The following SLC16A9 variants were observed in gnomAD, a reference collection of about 807,000 sequenced individuals.
SLC16A9 encodes the protein monocarboxylate transporter 9.
SLC16A9 carries 26 observed loss-of-function variants against 44.3 expected under a neutral mutation model. The observed-to-expected ratio is 0.59, with a 90% CI of 0.43 to 0.81. The LOEUF (loss-of-function observed/expected upper bound fraction) is 0.81. SLC16A9 is among the 40% of genes least tolerant of loss of function. The probability of loss-of-function intolerance (pLI) is 0.00; values close to 1 mark genes in which losing one functional copy is unlikely to be tolerated. For missense variants in SLC16A9, 559 were observed against 595.8 expected (o/e 0.94, Z 0.64); for synonymous variants, 230 against 225.1 (o/e 1.02, Z -0.19).
At chr10:59,679,784 G>T (rs984516169) in intron 2 of SLC16A9, among the ~76,000 whole-genome samples, 1 of 152,098 alleles carries the variant, frequency 6.6e-6, no homozygotes, top group Non-Finnish European at 1.5e-5. Flanking sequence ...TTTACTCCAT[G>T]AGAACACAGC....
At chr10:59,694,817 T>TATATATATATATATATATATATATATAA (rs145769219) in intron 1 of SLC16A9, among the ~76,000 whole-genome samples, 2 of 47,726 alleles carry the variant, frequency 4.2e-5, no homozygotes, top group Non-Finnish European at 8.3e-5. Context: ...TATATATATA[T>TATATATATATATATATATATATATATAA]ACACACACAC....
chr10:59,680,392 C>A (rs1441214991), intron 2 of SLC16A9, among the ~76,000 whole-genome samples: 1 of 152,168 alleles, frequency 6.6e-6, no homozygotes, highest in Admixed American at 6.5e-5. Flanking sequence ...TGCTTAGGCA[C>A]AATCTTGGCA....
chr10:59,696,413 G>T (rs1007840982), intron 1 of SLC16A9, among the ~76,000 whole-genome samples: 24 of 152,314 alleles, frequency 1.6e-4, no homozygotes, highest in African/African-American at 5.3e-4. Context: ...GTGCTCAATG[G>T]TGCCCAGGCT....
At chr10:59,685,131 A>G (rs1289476227) in intron 1 of SLC16A9, among the ~76,000 whole-genome samples, 3 of 152,212 alleles carry the variant, frequency 2.0e-5, no homozygotes, top group Non-Finnish European at 4.4e-5. Flanking sequence ...TTTTCATAAA[A>G]AAGTAGTATA....
chr10:59,690,900 A>G (rs546013910), intron 1 of SLC16A9, among the ~76,000 whole-genome samples: 1 of 152,108 alleles, frequency 6.6e-6, no homozygotes, highest in African/African-American at 2.4e-5. Flanking sequence ...CCTGGCCAAC[A>G]TGGCAAAACC....
intron 1 of SLC16A9, among the ~76,000 whole-genome samples, chr10:59,687,794 C>T (rs1840165237): frequency 1.3e-5 from 2 of 151,922 alleles, no homozygotes; most frequent in South Asian, 4.2e-4. Context: ...AACTCTATCT[C>T]TACAAAAAAA....
intron 2 of SLC16A9, among the ~76,000 whole-genome samples, chr10:59,673,312 T>C (rs904575996): frequency 2.6e-5 from 4 of 152,168 alleles, no homozygotes; most frequent in African/African-American, 9.7e-5. Context: ...CTGACCGTGT[T>C]ACTGTGCCCT....
In SLC16A9 at chr10:59,654,521, C is replaced by T. The variant is rs768442955; in HGVS notation, c.505G>A (p.Gly169Arg). The T allele has an allele frequency of 2.1e-5, 33 of 1,609,108 alleles. No individual in the cohort carries two copies. The highest frequency in any genetic ancestry group is 2.7e-5 in the Non-Finnish European group (32 of 1,180,010). Reference sequence around the variant, plus strand: ...AAAGCACCCACAATCAGCAAGCATCCATCCAGTCCATAGAACTCAACCAGC... The same window carrying T: ...AAAGCACCCACAATCAGCAAGCATCTATCCAGTCCATAGAACTCAACCAGC... The part of the protein sequence containing the change: ...RMLVEFYGLD[G>R]CLLIVGALAL... The change falls in exon 5 of 6, where the codon GGA becomes AGA. Residue 169 changes from glycine to arginine, a missense_variant. Gly to Arg is a moderately radical substitution (Grantham distance 125, BLOSUM62 -2). Transcript: ENST00000395348.
At chr10:59,657,657 C>A (rs1379758328) in intron 4 of SLC16A9, among the ~76,000 whole-genome samples, 4 of 152,210 alleles carry the variant, frequency 2.6e-5, no homozygotes, top group African/African-American at 7.2e-5. Context: ...TCACAGCATG[C>A]AACTCCCAAC....
At chr10:59,666,775 A>G (rs1234955918) in intron 3 of SLC16A9, among the ~76,000 whole-genome samples, 1 of 152,012 alleles carries the variant, frequency 6.6e-6, no homozygotes, top group Non-Finnish European at 1.5e-5. Flanking sequence ...CAGTTATTTA[A>G]CCTTGGGTGT....
In SLC16A9 at chr10:59,654,529, C is replaced by T; in HGVS notation, c.497G>A (p.Gly166Glu). 1 of 1,608,208 alleles carries T rather than the reference C, an allele frequency of 6.2e-7. No individual in the cohort carries two copies. Among genetic ancestry groups the T allele is most frequent in the Non-Finnish European group, 8.5e-7 (1 of 1,179,916 alleles). The change falls in exon 5 of 6, where the codon GGA becomes GAA. Residue 166 changes from glycine (G) to glutamate (E), a missense_variant. Transcript: ENST00000395348. ...ALQRMLVEFYGLDGCLLIVGA... is the reference protein window; with the variant it reads ...ALQRMLVEFYELDGCLLIVGA... The stretch of plus-strand genomic sequence containing the variant: ...CACAATCAGCAAGCATCCATCCAGT[C>T]CATAGAACTCAACCAGCATCCTCTG...
At chr10:59,708,262 T>C (rs1030730418) in intron 1 of SLC16A9, among the ~76,000 whole-genome samples, 2 of 152,228 alleles carry the variant, frequency 1.3e-5, no homozygotes, top group Admixed American at 6.5e-5. Flanking sequence ...ACTCTGCATT[T>C]GGTCCAGGAA....
At chr10:59,664,716 C>T (rs1228931490) in intron 3 of SLC16A9, among the ~76,000 whole-genome samples, 5 of 152,194 alleles carry the variant, frequency 3.3e-5, no homozygotes, top group African/African-American at 1.2e-4. Context: ...TGTTCTTCCT[C>T]TTCTAAGTCC....
Position 59,652,738 on chromosome 10 carries a change from T to C in SLC16A9, c.*34A>G, listed in dbSNP as rs1839232499. 6.3e-7 allele frequency: 1 copy of C among 1,576,148 alleles called. No homozygotes were observed. On this transcript the variant is annotated 3_prime_UTR_variant, in exon 6 of 6. Coordinates refer to ENST00000395348, the MANE Select transcript of SLC16A9 (RefSeq NM_194298.3). Reference sequence around the variant, plus strand: ...GTTAAAATATCGTTGCTATATGGTATAAAATAGCAAAAATAGTGTCTTCCA... The same window carrying C: ...GTTAAAATATCGTTGCTATATGGTACAAAATAGCAAAAATAGTGTCTTCCA...
intron 3 of SLC16A9, among the ~76,000 whole-genome samples, chr10:59,666,099 G>A (rs867392701): frequency 4.6e-5 from 7 of 151,936 alleles, no homozygotes; most frequent in Non-Finnish European, 8.8e-5. Flanking sequence ...AGTTTGAGAT[G>A]AGCCTGGCCA....
chr10:59,674,304 C>T (rs1839813708), intron 2 of SLC16A9, among the ~76,000 whole-genome samples: 1 of 152,090 alleles, frequency 6.6e-6, no homozygotes, highest in Non-Finnish European at 1.5e-5. Context: ...CTTCCCAATA[C>T]CAGAGAACTT....
chr10:59,666,871 C>CA (rs34639816), intron 3 of SLC16A9, among the ~76,000 whole-genome samples: 23,151 of 114,694 alleles, frequency 0.2, 2,353 homozygotes, highest in African/African-American at 0.31. Context: ...TATTTTCCAG[C>CA]AAAAAAAAAA....
chr10:59,699,698 T>G (rs1840478775), intron 1 of SLC16A9, among the ~76,000 whole-genome samples: 1 of 152,134 alleles, frequency 6.6e-6, no homozygotes, highest in Non-Finnish European at 1.5e-5. Flanking sequence ...CTCTTTTTTT[T>G]TTTAAATCCC....
chr10:59,688,030 A>C (rs906067246), intron 1 of SLC16A9, among the ~76,000 whole-genome samples: 2 of 152,020 alleles, frequency 1.3e-5, no homozygotes, highest in African/African-American at 4.8e-5. Context: ...AACAGCTTAC[A>C]TGGCAATGGA....
Sources: gnomAD v4.1 joint callset for allele counts (sites outside exome capture counted in the v4.1 genomes callset) on GRCh38, gnomAD v4.1.1 for gene constraint, MANE v1.5 for transcripts, NCBI Gene and HGNC (gene_info 2026-07-23, HGNC 2026-07-21) for gene names.